The following CTNNA3 variants were observed in gnomAD, a reference collection of about 807,000 sequenced individuals.
The protein encoded by CTNNA3 is catenin alpha 3.
Under a neutral mutation model 95.7 loss-of-function variants are expected in CTNNA3, and 76 were observed. The observed-to-expected ratio is 0.79, with a 90% CI of 0.66 to 0.96. The LOEUF (loss-of-function observed/expected upper bound fraction) is 0.96, where lower values mean the gene tolerates loss of function less well. CTNNA3 is among the 40% of genes least tolerant of loss of function. CTNNA3 has a pLI of 0.00. For missense variants in CTNNA3, 1,191 were observed against 1,089.8 expected (o/e 1.09, Z -1.31); for synonymous variants, 431 against 374.4 (o/e 1.15, Z -1.74).
chr10:66,511,058 T>A (rs1286807370), intron 11 of CTNNA3, among the ~76,000 whole-genome samples: 2 of 142,654 alleles, frequency 1.4e-5, no homozygotes, highest in Non-Finnish European at 3.0e-5. Context: ...ACTGATTTAA[T>A]CTTCTTATTT....
At chr10:67,711,719 G>T (rs1236126818) in intron 1 of CTNNA3, among the ~76,000 whole-genome samples, 3 of 147,030 alleles carry the variant, frequency 2.0e-5, no homozygotes, top group Non-Finnish European at 3.0e-5. Flanking sequence ...ATCTCCCGAT[G>T]CTATCCCTCC....
At chr10:67,172,491 C>A (rs970560483) in intron 7 of CTNNA3, among the ~76,000 whole-genome samples, 5 of 152,054 alleles carry the variant, frequency 3.3e-5, no homozygotes, top group African/African-American at 1.2e-4. Context: ...CTCTCAAAAT[C>A]CATCATATGT....
intron 10 of CTNNA3, among the ~76,000 whole-genome samples, chr10:66,529,262 G>A (rs1841374652): frequency 6.6e-6 from 1 of 152,016 alleles, no homozygotes; most frequent in South Asian, 2.1e-4. Flanking sequence ...CTGAGTAGCT[G>A]AGATTACAGA....
chr10:66,642,334 T>C (rs1845549487), intron 9 of CTNNA3, among the ~76,000 whole-genome samples: 1 of 148,560 alleles, frequency 6.7e-6, no homozygotes, highest in Non-Finnish European at 1.5e-5. Context: ...TTACATTCCC[T>C]CCACCCAGAA....
At chr10:66,460,390 C>A (rs2093521120) in intron 11 of CTNNA3, among the ~76,000 whole-genome samples, 1 of 152,146 alleles carries the variant, frequency 6.6e-6, no homozygotes, top group Admixed American at 6.6e-5. Context: ...CTGACACATT[C>A]TGATAATGAA....
chr10:67,331,394 G>C (rs1205414174), intron 5 of CTNNA3, among the ~76,000 whole-genome samples: 2 of 152,166 alleles, frequency 1.3e-5, no homozygotes, highest in Non-Finnish European at 1.5e-5. Flanking sequence ...TAAAGTCACA[G>C]GGAATTATCA....
rs968301499 is a variant in CTNNA3, at chr10:67,026,391, A to T, written c.1047+153926T>A. On this transcript the variant is annotated intron_variant, in intron 7 of 17. Coordinates refer to ENST00000433211, the MANE Select transcript of CTNNA3 (RefSeq NM_013266.4). ...ATATACATTTTGTAAATATTTTTAT[A>T]TTTGTAAATATAAAAATAGAACTAA... Among the ~76,000 whole-genome samples the T allele has an allele frequency of 1.2e-4, 19 of 152,056 alleles. 1 individual carries two copies. The highest frequency in any genetic ancestry group is 7.9e-4 in the Admixed American group (12 of 15,268).
chr10:67,659,163 C>T (rs1421549736), intron 1 of CTNNA3, among the ~76,000 whole-genome samples: 1 of 151,578 alleles, frequency 6.6e-6, no homozygotes, highest in African/African-American at 2.4e-5. Flanking sequence ...AGGAAAACAA[C>T]AGATTCTACT....
At chr10:66,626,924 C>A (rs1844955791) in intron 9 of CTNNA3, among the ~76,000 whole-genome samples, 1 of 133,302 alleles carries the variant, frequency 7.5e-6, no homozygotes, top group African/African-American at 3.0e-5. Flanking sequence ...CCAACACATA[C>A]ACACACACAA....
At chr10:67,114,709 G>GGTGTGT (rs56772381) in intron 7 of CTNNA3, among the ~76,000 whole-genome samples, 1,761 of 144,830 alleles carry the variant, frequency 0.012, 32 homozygotes, top group African/African-American at 0.036. Flanking sequence ...GGTTCTTAAA[G>GGTGTGT]GTGTGTGTGT....
At chr10:66,375,434 A>G (rs74946644) in intron 12 of CTNNA3, among the ~76,000 whole-genome samples, 2,467 of 152,244 alleles carry the variant, frequency 0.016, 73 homozygotes, top group African/African-American at 0.057. Flanking sequence ...TATGTTGGTC[A>G]AAACTCCACT....
intron 11 of CTNNA3, among the ~76,000 whole-genome samples, chr10:66,501,516 T>C (rs1365972252): frequency 6.6e-6 from 1 of 152,160 alleles, no homozygotes; most frequent in Non-Finnish European, 1.5e-5. Context: ...CTAGAGTGAA[T>C]AGTAATTGCT....
chr10:66,927,744 T>G lies in CTNNA3; in HGVS notation c.1048-152220A>C, dbSNP rs768176716. 1 of 1,614,062 alleles carries G rather than the reference T, an allele frequency of 6.2e-7. No individual in the cohort carries two copies. The highest frequency in any genetic ancestry group is 8.5e-7 in the Non-Finnish European group (1 of 1,180,030). ...TCAGTGGACCCAGTGTTTTCCAGTG[T>G]GTCCCGAATCTGCAGCGCCTCAACC... On this transcript the variant is annotated intron_variant, in intron 7 of 17. Transcript: ENST00000433211. This position sits in a 1 kb window ranked among gnomAD's most constrained non-coding sequence, Gnocchi z 4.7.
At position 67,350,910 on chromosome 10, in the gene CTNNA3, G is replaced by GTGTATATATATATA. The variant is rs146861544; in HGVS notation, c.580-131041_580-131040insTATATATATATACA. Reference sequence around the variant, plus strand: ...AAATCTGTATGTGAAAAAAGTATGTGTATATATATATATATATATATGCAT... The same window carrying GTGTATATATATATA: ...AAATCTGTATGTGAAAAAAGTATGTGTGTATATATATATATATATATATATATATATATATGCAT... On this transcript the variant is annotated intron_variant, in intron 5 of 17. Coordinates refer to ENST00000433211, the MANE Select transcript of CTNNA3 (RefSeq NM_013266.4). 6.4e-3 allele frequency among the ~76,000 whole-genome samples: 903 copies of GTGTATATATATATA among 141,768 alleles called. 7 individuals carry two copies. Among genetic ancestry groups the GTGTATATATATATA allele is most frequent in the African/African-American group, 0.021 (810 of 38,664 alleles). The allele number at this position is 141,768 out of a possible 152,430, so 93.0% of individuals were successfully genotyped here. A position where few individuals can be genotyped will look rare whatever the true frequency, so the allele number is the denominator to read the frequency against.
At chr10:66,855,018 G>A (rs981196281) in intron 7 of CTNNA3, among the ~76,000 whole-genome samples, 1 of 151,838 alleles carries the variant, frequency 6.6e-6, no homozygotes, top group East Asian at 1.9e-4. Flanking sequence ...ATAACACAAT[G>A]TCTGGCACAT....
chr10:66,120,230 T>C (rs2082520037), intron 13 of CTNNA3, among the ~76,000 whole-genome samples: 2 of 152,202 alleles, frequency 1.3e-5, no homozygotes, highest in South Asian at 2.1e-4. Context: ...GCATTAATCA[T>C]ATTAAATTCC....
At chr10:66,444,869 A>G (rs909677982) in intron 11 of CTNNA3, among the ~76,000 whole-genome samples, 2 of 152,242 alleles carry the variant, frequency 1.3e-5, no homozygotes, top group African/African-American at 4.8e-5. Flanking sequence ...ATTAAAAGAC[A>G]CAGACTGGCA....
intron 7 of CTNNA3, among the ~76,000 whole-genome samples, chr10:66,803,148 T>A (rs1841496234): frequency 6.6e-6 from 1 of 152,112 alleles, no homozygotes; most frequent in Non-Finnish European, 1.5e-5. Context: ...TGCATCGTTT[T>A]TATCTTCTTA....
At position 65,948,252 on chromosome 10, in the gene CTNNA3, G is replaced by C. The variant is rs550482494; in HGVS notation, c.2400+18360C>G. On this transcript the variant is annotated intron_variant, in intron 17 of 17. Transcript: ENST00000433211. ...GCCGAGATCATGCCACTGCACTCCAGCCTGGGCAACAGAGCGAGACTCCAT... is the reference window on the plus strand; with the variant it reads ...GCCGAGATCATGCCACTGCACTCCACCCTGGGCAACAGAGCGAGACTCCAT... Among the ~76,000 whole-genome samples the C allele has an allele frequency of 2.1e-5, 3 of 140,556 alleles. No individual in the cohort carries two copies. The South Asian group carries it at 6.6e-4, about 31-fold the overall frequency. 92.2% of individuals were successfully genotyped at this position (140,556 alleles called of 152,430 possible).
Sources: allele counts gnomAD v4.1 joint callset (sites outside exome capture counted in the v4.1 genomes callset), GRCh38; gene constraint gnomAD v4.1.1; non-coding constraint Gnocchi (gnomAD v3.1); transcripts MANE v1.5; gene names NCBI Gene and HGNC (gene_info 2026-07-23, HGNC 2026-07-21).